Variants in PDSS2 observed in about 807,000 individuals in gnomAD.
The protein encoded by PDSS2 is decaprenyl diphosphate synthase subunit 2.
PDSS2 carries 31 observed loss-of-function variants against 44.5 expected under a neutral mutation model. The ratio of observed to expected loss-of-function variants is 0.70; its 90% confidence interval spans 0.52 to 0.94. PDSS2 has a LOEUF of 0.94. PDSS2 is among the 40% of genes least tolerant of loss of function. The probability of loss-of-function intolerance (pLI) is 0.00; values close to 1 mark genes in which losing one functional copy is unlikely to be tolerated. For missense variants in PDSS2, 452 were observed against 482.2 expected (o/e 0.94, Z 0.59); for synonymous variants, 157 against 180.3 (o/e 0.87, Z 1.03).
At chr6:107,431,527 G>C (rs1781194592) in intron 1 of PDSS2, among the ~76,000 whole-genome samples, 1 of 152,096 alleles carries the variant, frequency 6.6e-6, no homozygotes, top group Admixed American at 6.6e-5. Context: ...GGGATTACAG[G>C]CGTGAGCCAC....
intron 6 of PDSS2, among the ~76,000 whole-genome samples, chr6:107,194,633 T>C (rs1772490235): frequency 6.6e-6 from 1 of 152,224 alleles, no homozygotes; most frequent in African/African-American, 2.4e-5. Context: ...AGGCACAAAA[T>C]GTCAGGCTGT....
intron 1 of PDSS2, among the ~76,000 whole-genome samples, chr6:107,377,231 G>C (rs1441654778): frequency 2.0e-5 from 3 of 151,702 alleles, no homozygotes; most frequent in Non-Finnish European, 2.9e-5. Context: ...GGGCGAAGGA[G>C]ATGAACAGAC....
chr6:107,250,769 G>A (rs1774789632), intron 3 of PDSS2, among the ~76,000 whole-genome samples: 1 of 152,208 alleles, frequency 6.6e-6, no homozygotes, highest in African/African-American at 2.4e-5. Context: ...AGGCTGAATA[G>A]ACTCAACAGA....
intron 4 of PDSS2, among the ~76,000 whole-genome samples, chr6:107,220,733 T>C (rs1054493399): frequency 6.6e-6 from 1 of 152,104 alleles, no homozygotes; most frequent in African/African-American, 2.4e-5. Context: ...AACGATTAAT[T>C]TATAGTCCCC....
chr6:107,435,945 T>C lies in PDSS2; in HGVS notation c.296+23045A>G, dbSNP rs1781336761. On this transcript the variant is annotated intron_variant, in intron 1 of 7. Transcript: ENST00000369037. ...GAAACGAAGTTACAGAACACAAAAATTGCGAAAAAAAAATGAAAGGTTTTC... is the reference window on the plus strand; with the variant it reads ...GAAACGAAGTTACAGAACACAAAAACTGCGAAAAAAAAATGAAAGGTTTTC... 3.4e-5 allele frequency among the ~76,000 whole-genome samples: 3 copies of C among 88,796 alleles called. No homozygotes were observed. The South Asian group carries it at 7.8e-4, about 23-fold the overall frequency. The allele number at this position is 88,796 out of a possible 152,430, so 58.3% of individuals were successfully genotyped here.
chr6:107,314,321 G>A (rs181325941), intron 2 of PDSS2, among the ~76,000 whole-genome samples: 68 of 152,146 alleles, frequency 4.5e-4, no homozygotes, highest in African/African-American at 1.5e-3. Flanking sequence ...GAAGCTGGGG[G>A]TGGTGGCAGT....
At chr6:107,402,530 ATT>A (rs1317958997) in intron 1 of PDSS2, among the ~76,000 whole-genome samples, 1 of 55,100 alleles carries the variant, frequency 1.8e-5, no homozygotes, top group Non-Finnish European at 4.3e-5. Flanking sequence ...ATATACATAC[ATT>A]TTATATATAT....
chr6:107,256,982 C>A (rs1775044695), intron 3 of PDSS2, among the ~76,000 whole-genome samples: 1 of 152,070 alleles, frequency 6.6e-6, no homozygotes, highest in Admixed American at 6.6e-5. Context: ...GAGTTGGAGA[C>A]CAGCCTGGTT....
intron 1 of PDSS2, among the ~76,000 whole-genome samples, chr6:107,358,800 T>A (rs952914739): frequency 1.3e-5 from 2 of 152,104 alleles, no homozygotes; most frequent in Non-Finnish European, 2.9e-5. Context: ...ATCCCTAACC[T>A]TTACCCACTA....
At chr6:107,308,376 A>G (rs1302836908) in intron 2 of PDSS2, among the ~76,000 whole-genome samples, 2 of 152,236 alleles carry the variant, frequency 1.3e-5, no homozygotes, top group East Asian at 3.8e-4. Flanking sequence ...CTAGAAATAT[A>G]AAGTATAAAA....
chr6:107,261,581 T>TC (rs55850073), intron 3 of PDSS2, among the ~76,000 whole-genome samples: 28,619 of 128,082 alleles, frequency 0.22, 3,657 homozygotes, highest in Middle Eastern at 0.38. Flanking sequence ...TTTCTTTCTT[T>TC]TTTTTTTTTT....
intron 1 of PDSS2, among the ~76,000 whole-genome samples, chr6:107,389,309 G>A (rs57811400): frequency 0.023 from 3,432 of 152,248 alleles, 111 homozygotes; most frequent in East Asian, 0.12. Flanking sequence ...ATAAATGTAT[G>A]ACATAATATC....
chr6:107,310,832 G>A (rs1329237275), intron 2 of PDSS2, among the ~76,000 whole-genome samples: 1 of 152,030 alleles, frequency 6.6e-6, no homozygotes, highest in East Asian at 1.9e-4. Flanking sequence ...CTTCAGAGGG[G>A]AAGGAGAAAC....
chr6:107,412,674 T>C (rs1780543531), intron 1 of PDSS2, among the ~76,000 whole-genome samples: 2 of 152,250 alleles, frequency 1.3e-5, no homozygotes, highest in Non-Finnish European at 2.9e-5. Flanking sequence ...TATGGTAGTT[T>C]TTTATCACAG....
At chr6:107,380,978 A>T (rs961996935) in intron 1 of PDSS2, among the ~76,000 whole-genome samples, 3 of 152,172 alleles carry the variant, frequency 2.0e-5, no homozygotes, top group African/African-American at 7.2e-5. Flanking sequence ...TAGAAGTAAA[A>T]GGAAACTATA....
intron 1 of PDSS2, among the ~76,000 whole-genome samples, chr6:107,456,890 G>A (rs1782061003): frequency 6.6e-6 from 1 of 152,110 alleles, no homozygotes; most frequent in African/African-American, 2.4e-5. Flanking sequence ...TTTAGTGGGA[G>A]TCAGGGAGAT....
intron 4 of PDSS2, among the ~76,000 whole-genome samples, chr6:107,230,418 C>G (rs988995747): frequency 1.3e-5 from 2 of 152,124 alleles, no homozygotes; most frequent in African/African-American, 4.8e-5. Context: ...GCTCCCTAAT[C>G]TCACGCTTGG....
intron 2 of PDSS2, among the ~76,000 whole-genome samples, chr6:107,276,712 C>T (rs1775795438): frequency 6.6e-6 from 1 of 152,234 alleles, no homozygotes; most frequent in Non-Finnish European, 1.5e-5. Flanking sequence ...TTGATTGATG[C>T]TGAGTTTGAC....
At chr6:107,382,147 G>A (rs1170846776) in intron 1 of PDSS2, among the ~76,000 whole-genome samples, 3 of 152,076 alleles carry the variant, frequency 2.0e-5, no homozygotes, top group South Asian at 4.2e-4. Flanking sequence ...ATATAAGGTC[G>A]ACAAGACTAC....
Sources: gnomAD v4.1 joint callset for allele counts (sites outside exome capture counted in the v4.1 genomes callset) on GRCh38, gnomAD v4.1.1 for gene constraint, MANE v1.5 for transcripts, NCBI Gene and HGNC (gene_info 2026-07-23, HGNC 2026-07-21) for gene names.